Variants in RFX3 observed in about 807,000 individuals in gnomAD.
RFX3 encodes the protein transcription factor RFX3.
A neutral mutation model predicts 98.6 loss-of-function variants in RFX3; 14 were observed. That is an observed-to-expected ratio of 0.14 (90% CI 0.09 to 0.22). The LOEUF (loss-of-function observed/expected upper bound fraction) is 0.22. Among genes scored for constraint, RFX3 ranks in the 10% least tolerant of loss-of-function variants. The pLI is 1.00. For missense variants in RFX3, 639 were observed against 926.9 expected, an observed-to-expected ratio of 0.69 and a Z score of 4.03; for synonymous variants, 383 against 328.4, an observed-to-expected ratio of 1.17 and a Z score of -1.80.
At chr9:3,334,156 C>T (rs1832900376) in intron 3 of RFX3, among the ~76,000 whole-genome samples, 1 of 152,154 alleles carries the variant, frequency 6.6e-6, no homozygotes, top group African/African-American at 2.4e-5. Context: ...TACTAAGGAA[C>T]AGCTTAACAA....
intron 6 of RFX3, among the ~76,000 whole-genome samples, chr9:3,291,490 A>G (rs2131619849): frequency 6.6e-6 from 1 of 152,310 alleles, no homozygotes; most frequent in South Asian, 2.1e-4. Flanking sequence ...CCCTAGAACC[A>G]TTAGATCATA....
chr9:3,295,416 A>G (rs1469657192), intron 5 of RFX3, among the ~76,000 whole-genome samples: 4 of 152,084 alleles, frequency 2.6e-5, no homozygotes, highest in Non-Finnish European at 5.9e-5. Flanking sequence ...TACATATACT[A>G]GACAGAGCAA....
intron 1 of RFX3, among the ~76,000 whole-genome samples, chr9:3,403,956 T>C (rs566575307): frequency 6.6e-6 from 1 of 152,274 alleles, no homozygotes; most frequent in East Asian, 1.9e-4. Context: ...AGAATTTTTT[T>C]CTCTCATCTC....
intron 1 of RFX3, among the ~76,000 whole-genome samples, chr9:3,461,052 A>G (rs1296099239): frequency 1.3e-5 from 2 of 150,926 alleles, no homozygotes; most frequent in Non-Finnish European, 3.0e-5. Context: ...GAGATTTACT[A>G]TTTCTTATTT....
intron 11 of RFX3, 102 bp from the exon 12 acceptor site, chr9:3,266,407 C>A: frequency 3.3e-6 from 2 of 603,348 alleles, no homozygotes; most frequent in South Asian, 2.5e-5. Flanking sequence ...TCTGATACAG[C>A]ACAGAACTCA....
intron 1 of RFX3, among the ~76,000 whole-genome samples, chr9:3,414,872 A>G (rs866205962): frequency 7.6e-6 from 1 of 131,588 alleles, no homozygotes; most frequent in African/African-American, 3.2e-5. Flanking sequence ...ATATGTATAT[A>G]TATGAGTATA....
At chr9:3,485,672 A>G (rs944149004) in intron 1 of RFX3, among the ~76,000 whole-genome samples, 4 of 152,214 alleles carry the variant, frequency 2.6e-5, no homozygotes, top group South Asian at 2.1e-4. Flanking sequence ...TGTAATTTTT[A>G]TCTTAGTTTA....
chr9:3,289,686 G>C (rs1465986491), intron 6 of RFX3, among the ~76,000 whole-genome samples: 1 of 152,004 alleles, frequency 6.6e-6, no homozygotes, highest in East Asian at 1.9e-4. Flanking sequence ...GGGAGGGAGA[G>C]GTTCTTTTTA....
chr9:3,522,186 G>C (rs1818787094), intron 1 of RFX3, among the ~76,000 whole-genome samples: 1 of 152,128 alleles, frequency 6.6e-6, no homozygotes, highest in African/African-American at 2.4e-5. Flanking sequence ...AGTGACACCT[G>C]TTTAAAGCAG....
intron 1 of RFX3, among the ~76,000 whole-genome samples, chr9:3,409,484 T>C (rs932877152): frequency 2.6e-5 from 4 of 152,204 alleles, no homozygotes; most frequent in Non-Finnish European, 5.9e-5. Context: ...AATTAAAACT[T>C]AATAATTACT....
intron 1 of RFX3, among the ~76,000 whole-genome samples, chr9:3,491,013 T>C (rs1460557920): frequency 2.0e-5 from 3 of 152,140 alleles, no homozygotes; most frequent in Non-Finnish European, 4.4e-5. Context: ...GTATATCTGA[T>C]AATTTAGTTA....
intron 1 of RFX3, among the ~76,000 whole-genome samples, chr9:3,442,973 A>T (rs1845730846): frequency 6.6e-6 from 1 of 152,206 alleles, no homozygotes; most frequent in African/African-American, 2.4e-5. Context: ...CTGCAAACAT[A>T]TATCCAATAA....
chr9:3,486,056 C>T (rs1187419709), intron 1 of RFX3, among the ~76,000 whole-genome samples: 1 of 129,240 alleles, frequency 7.7e-6, no homozygotes, highest in South Asian at 2.7e-4. Context: ...ACCCAGGAGG[C>T]GGAGGTTGCA....
intron 1 of RFX3, among the ~76,000 whole-genome samples, chr9:3,458,398 A>G (rs77053022): frequency 0.012 from 1,867 of 152,304 alleles, 74 homozygotes; most frequent in Admixed American, 0.076. Flanking sequence ...CAAATTTAAA[A>G]TACAGGCACA....
intron 3 of RFX3, among the ~76,000 whole-genome samples, chr9:3,343,039 G>A (rs1834065736): frequency 6.6e-6 from 1 of 152,196 alleles, no homozygotes; most frequent in African/African-American, 2.4e-5. Context: ...ACACTGTTAA[G>A]CCTGTTATGC....
At chr9:3,504,882 TATATAATATAACATATATTATATA>T (rs1816673574) in intron 1 of RFX3, among the ~76,000 whole-genome samples, 1 of 70,834 alleles carries the variant, frequency 1.4e-5, no homozygotes, top group African/African-American at 8.4e-5. Flanking sequence ...ATATATATTA[TATATAATATAACATATATTATATA>T]TATATATAAT....
At chr9:3,447,116 T>G (rs1846122486) in intron 1 of RFX3, among the ~76,000 whole-genome samples, 1 of 152,106 alleles carries the variant, frequency 6.6e-6, no homozygotes, top group Non-Finnish European at 1.5e-5. Flanking sequence ...TAAAAAAAAT[T>G]CACACCTTGA....
intron 2 of RFX3, among the ~76,000 whole-genome samples, chr9:3,349,717 T>C (rs1834878266): frequency 6.6e-6 from 1 of 152,104 alleles, no homozygotes; most frequent in Non-Finnish European, 1.5e-5. Context: ...TGTGAATACA[T>C]ACACACCTCA....
At chr9:3,252,977 G>A (rs974871552) in intron 14 of RFX3, among the ~76,000 whole-genome samples, 1 of 152,154 alleles carries the variant, frequency 6.6e-6, no homozygotes. Context: ...AGTATTAAAT[G>A]ACACAATTAA....
Sources: allele counts gnomAD v4.1 joint callset (sites outside exome capture counted in the v4.1 genomes callset), GRCh38; gene constraint gnomAD v4.1.1; transcripts MANE v1.5; gene names NCBI Gene and HGNC (gene_info 2026-07-23, HGNC 2026-07-21).